PCDHA5: variants seen among roughly 807,000 people sequenced by gnomAD.
The protein encoded by PCDHA5 is protocadherin alpha-5.
PCDHA5 carries 43 observed loss-of-function variants against 61.6 expected under a neutral mutation model. That is an observed-to-expected ratio of 0.70 (90% CI 0.55 to 0.90). The LOEUF is 0.90. Among genes scored for constraint, PCDHA5 ranks in the 40% least tolerant of loss-of-function variants. The pLI is 0.00. For missense variants in PCDHA5, 1,298 were observed against 1,222.7 expected, an observed-to-expected ratio of 1.06 and a Z score of -0.92; for synonymous variants, 627 against 543.9, an observed-to-expected ratio of 1.15 and a Z score of -2.13.
chr5:140,942,540 G>T (rs1013086382), intron 1 of PCDHA5, among the ~76,000 whole-genome samples: 52 of 152,164 alleles, frequency 3.4e-4, no homozygotes, highest in African/African-American at 1.1e-3. Flanking sequence ...TCAGTATGGT[G>T]GGGGGTAGGG....
chr5:140,863,012 G>A, intron 1 of PCDHA5: 1 of 552,296 alleles, frequency 1.8e-6, no homozygotes, highest in South Asian at 1.4e-5. Context: ...CAGCTATGAC[G>A]CCTGGTTGTC....
At chr5:140,830,056 T>G (rs1770781900) in intron 1 of PCDHA5, 1 of 1,613,606 alleles carries the variant, frequency 6.2e-7, no homozygotes, top group Non-Finnish European at 8.5e-7. Flanking sequence ...AAGACCACGG[T>G]GAGCCGGCGC....
At chr5:140,868,231 T>C in intron 1 of PCDHA5, 1 of 152,170 alleles carries the variant, frequency 6.6e-6, no homozygotes, top group East Asian at 1.9e-4. Flanking sequence ...TAAAAACTCA[T>C]CTAGATCAAT....
chr5:140,944,097 A>G lies in PCDHA5; in HGVS notation c.2353-34852A>G, dbSNP rs2093609741. On this transcript the variant is annotated intron_variant, in intron 1 of 3. Coordinates refer to ENST00000529859, the MANE Select transcript of PCDHA5 (RefSeq NM_018908.3). ...ATAAAGGAGGCCTGAGTAAGTTTAT[A>G]TCTCATGGGAAAATGGTACCAGAGA... is the stretch of plus-strand genomic sequence containing the variant. Among the ~76,000 whole-genome samples, 3 of 152,244 alleles carry G rather than the reference A, an allele frequency of 2.0e-5. No individual in the cohort carries two copies. In the South Asian group the frequency reaches 6.2e-4, roughly 31 times the overall value.
At chr5:140,830,665 G>A (rs1771194311) in intron 1 of PCDHA5, 1 of 389,586 alleles carries the variant, frequency 2.6e-6, no homozygotes, top group Non-Finnish European at 4.2e-6. Context: ...TAATTTAAGT[G>A]AAATTAGAAA....
chr5:140,926,766 C>A (rs950499262), intron 1 of PCDHA5: 34 of 1,343,396 alleles, frequency 2.5e-5, no homozygotes, highest in Non-Finnish European at 3.3e-5. Context: ...GAGTATCCAG[C>A]CCGCAGCAGT....
chr5:140,857,735 G>C (rs782288464), intron 1 of PCDHA5: 8 of 1,597,222 alleles, frequency 5.0e-6, no homozygotes, highest in South Asian at 1.1e-5. Flanking sequence ...CAACGCTCCC[G>C]CGCTGCTGGC....
intron 1 of PCDHA5, among the ~76,000 whole-genome samples, chr5:140,872,243 T>A (rs1484959006): frequency 6.6e-6 from 1 of 152,192 alleles, no homozygotes; most frequent in African/African-American, 2.4e-5. Flanking sequence ...TCTTTATTCC[T>A]GTGATAATAC....
intron 1 of PCDHA5, chr5:140,967,149 C>A (rs781864120): frequency 1.3e-5 from 21 of 1,610,890 alleles, no homozygotes; most frequent in Non-Finnish European, 1.7e-5. Flanking sequence ...GCGCACAACC[C>A]CGTGGCGGTG....
chr5:140,941,701 C>T (rs1312324595), intron 1 of PCDHA5, among the ~76,000 whole-genome samples: 3 of 152,142 alleles, frequency 2.0e-5, no homozygotes, highest in Non-Finnish European at 4.4e-5. Context: ...TTGGGCTTAG[C>T]TTTCCTCCAC....
intron 1 of PCDHA5, among the ~76,000 whole-genome samples, chr5:140,898,530 T>A (rs1256781089): frequency 6.6e-6 from 1 of 152,228 alleles, no homozygotes; most frequent in African/African-American, 2.4e-5. Flanking sequence ...GAGGGCTCTG[T>A]TCTGTTCCAT....
intron 1 of PCDHA5, chr5:140,849,585 C>G (rs147876741): frequency 6.3e-7 from 1 of 1,598,624 alleles, no homozygotes; most frequent in African/African-American, 1.3e-5. Flanking sequence ...AGAGGACGCA[C>G]AACTGGGGAC....
intron 1 of PCDHA5, chr5:140,877,951 G>A (rs1562741853): frequency 7.4e-7 from 1 of 1,344,742 alleles, no homozygotes; most frequent in Non-Finnish European, 9.7e-7. Context: ...ACTATCGAAT[G>A]TCTCATCTTT....
chr5:140,868,001 TG>T (rs1353110164), intron 1 of PCDHA5: 4 of 152,120 alleles, frequency 2.6e-5, no homozygotes, highest in Non-Finnish European at 5.9e-5. Context: ...TGAATATAAC[TG>T]AATTAGATTA....
Position 140,821,789 on chromosome 5 carries a change from G to C in PCDHA5, c.14G>C (p.Arg5Pro). The C allele has an allele frequency of 3.1e-6, 5 of 1,611,922 alleles. No homozygotes were observed. The highest frequency in any genetic ancestry group is 4.2e-6 in the Non-Finnish European group (5 of 1,178,814). MVYS[R>P]RGSLGSRLLL... is the part of the protein sequence containing the mutation. ...AACGAGATTGAGATGGTATATTCCC[G>C]GAGAGGAAGTCTGGGATCCCGGCTC... is the stretch of plus-strand genomic sequence containing the variant. The change falls in exon 1 of 4, where the codon CGG (arginine) becomes CCG (proline). Residue 5 changes from arginine (R) to proline (P), a missense_variant. Coordinates refer to ENST00000529859, the MANE Select transcript of PCDHA5 (RefSeq NM_018908.3).
intron 1 of PCDHA5, among the ~76,000 whole-genome samples, chr5:140,958,989 A>C (rs2095457963): frequency 6.6e-6 from 1 of 152,064 alleles, no homozygotes; most frequent in Non-Finnish European, 1.5e-5. Flanking sequence ...TATTGTTGCT[A>C]ATCTTTTACT....
chr5:140,979,573 G>T lies in PCDHA5; in HGVS notation c.2411+566G>T, dbSNP rs558232107. Among the ~76,000 whole-genome samples, 224 of 152,236 alleles carry T rather than the reference G, an allele frequency of 1.5e-3. 1 individual carries two copies. Among genetic ancestry groups the T allele is most frequent in the African/African-American group, 5.2e-3 (215 of 41,538 alleles). On this transcript the variant is annotated intron_variant, in intron 2 of 3. Transcript: ENST00000529859. ...CTTCAGAAGATGAGCCATGTAAAGG[G>T]CTCCAAATCTAGCTTACTTTAAATT...
At chr5:140,962,665 C>G (rs1457197885) in intron 1 of PCDHA5, among the ~76,000 whole-genome samples, 1 of 152,146 alleles carries the variant, frequency 6.6e-6, no homozygotes, top group African/African-American at 2.4e-5. Context: ...TTTTCATCTT[C>G]CCATCCACTG....
intron 1 of PCDHA5, chr5:140,857,693 A>T: frequency 6.3e-7 from 1 of 1,597,022 alleles, no homozygotes; most frequent in Non-Finnish European, 8.6e-7. Context: ...CAGCAACTTG[A>T]CGCTGCAGGT....
Sources: gnomAD v4.1 joint callset for allele counts (sites outside exome capture counted in the v4.1 genomes callset) on GRCh38, gnomAD v4.1.1 for gene constraint, MANE v1.5 for transcripts, NCBI Gene and HGNC (gene_info 2026-07-23, HGNC 2026-07-21) for gene names.